ZDHHC24: variants seen among roughly 807,000 people sequenced by gnomAD.
The protein encoded by ZDHHC24 is probable palmitoyltransferase ZDHHC24.
A neutral mutation model predicts 23.2 loss-of-function variants in ZDHHC24; 17 were observed. That is an observed-to-expected ratio of 0.73 (90% CI 0.50 to 1.10). ZDHHC24 has a LOEUF of 1.10. Among genes scored for constraint, ZDHHC24 ranks in the 50% least tolerant of loss-of-function variants. The pLI is 0.00. For synonymous variants in ZDHHC24, 186 were observed against 194.5 expected (o/e 0.96, Z 0.36); for missense variants, 366 against 393.0 (o/e 0.93, Z 0.58).
At chr11:66,540,587 G>C (rs1426924608) in intron 2 of ZDHHC24, among the ~76,000 whole-genome samples, 1 of 151,572 alleles carries the variant, frequency 6.6e-6, no homozygotes, top group Non-Finnish European at 1.5e-5. Context: ...AATTAACCGG[G>C]TGTGGTTGCG....
Position 66,537,114 on chromosome 11 carries a change from G to A in ZDHHC24, c.*2415C>T, listed in dbSNP as rs1291605453. Reference sequence around the variant, plus strand: ...GGTGGGTTTCTCTGAAGGTTCTTGGGGGTCAAGCATGTTCTTTCATGGGAG... The same window carrying A: ...GGTGGGTTTCTCTGAAGGTTCTTGGAGGTCAAGCATGTTCTTTCATGGGAG... On this transcript the variant is annotated 3_prime_UTR_variant, in exon 3 of 3. Transcript: ENST00000310442. 6.6e-6 allele frequency: 1 copy of A among 151,898 alleles called. No homozygotes were observed. Among genetic ancestry groups the A allele is most frequent in the African/African-American group, 2.4e-5 (1 of 41,398 alleles). The allele number at this position is 151,898 out of a possible 1,614,324, so 9.4% of individuals were successfully genotyped here. A position where few individuals can be genotyped will look rare whatever the true frequency, so the allele number is the denominator to read the frequency against.
intron 4 of ZDHHC24, chr11:66,526,206 G>T: frequency 6.2e-7 from 1 of 1,613,568 alleles, no homozygotes; most frequent in Non-Finnish European, 8.5e-7. Context: ...AGTGGAGTCA[G>T]ACCTGGCAAG....
At chr11:66,539,896 AC>A in intron 2 of ZDHHC24, 72 bp from the exon 3 acceptor site, 1 of 1,393,650 alleles carries the variant, frequency 7.2e-7, no homozygotes, top group Non-Finnish European at 9.5e-7. Flanking sequence ...GCTCCCCTCC[AC>A]CACAAAGCAG....
rs561893744 is a variant in ZDHHC24, at chr11:66,522,466, G to A, written c.*22-1000C>T. On this transcript the variant is annotated intron_variant, in intron 4 of 4. Coordinates refer to the ZDHHC24 transcript ENST00000526986. ...GGGTTCAAGCGATTCTCCTGCCTCAGCCTCCCAAGTAGCTGGGACTACAGG... is the reference window on the plus strand; with the variant it reads ...GGGTTCAAGCGATTCTCCTGCCTCAACCTCCCAAGTAGCTGGGACTACAGG... Among the ~76,000 whole-genome samples, 4 of 151,386 alleles carry A rather than the reference G, an allele frequency of 2.6e-5. No homozygotes were observed. The East Asian group carries it at 8.0e-4, about 30-fold the overall frequency.
intron 2 of ZDHHC24, chr11:66,529,891 TCGA>T (rs773714461): frequency 6.2e-7 from 1 of 1,609,054 alleles, no homozygotes; most frequent in Non-Finnish European, 8.5e-7. Flanking sequence ...CTGCAGGCCC[TCGA>T]GTCCAGCCTG....
At chr11:66,523,757 G>T in intron 4 of ZDHHC24, 1 of 1,612,664 alleles carries the variant, frequency 6.2e-7, no homozygotes. Context: ...GATGCCCGCA[G>T]CCATCCTGAC....
rs1011759866 is a variant in ZDHHC24 at position 66,527,153 on chromosome 11, G to C, written c.737-147C>G. Reference sequence around the variant, plus strand: ...ACACTTTGGCAGAGGTGGGAGGACAGCATGAGCCCAGGAGTTCAAGACCTA... The same window carrying C: ...ACACTTTGGCAGAGGTGGGAGGACACCATGAGCCCAGGAGTTCAAGACCTA... On this transcript the variant is annotated intron_variant, in intron 3 of 4. Transcript: ENST00000526986. The C allele has an allele frequency of 5.4e-6, 4 of 745,158 alleles. No individual in the cohort carries two copies. The East Asian group carries it at 1.1e-4, about 20-fold the overall frequency. The allele number at this position is 745,158 out of a possible 1,614,324, so 46.2% of individuals were successfully genotyped here. A position where few individuals can be genotyped will look rare whatever the true frequency, so the allele number is the denominator to read the frequency against.
chr11:66,521,344 C>G lies in ZDHHC24; in HGVS notation c.*144G>C, dbSNP rs1408073931. On this transcript the variant is annotated 3_prime_UTR_variant, in exon 5 of 5. Transcript: ENST00000526986. Reference sequence around the variant, plus strand: ...ATGTTGAGTTCCGGCTTGCCGCGGCCTGCCGCAATGGAAACATCTATATTC... The same window carrying G: ...ATGTTGAGTTCCGGCTTGCCGCGGCGTGCCGCAATGGAAACATCTATATTC... The G allele has an allele frequency of 1.3e-5, 21 of 1,614,090 alleles. No individual in the cohort carries two copies. In the Middle Eastern group the frequency reaches 4.9e-4, roughly 38 times the overall value.
rs774638549 is a variant in ZDHHC24, at chr11:66,526,111, G to A, written c.*21+825C>T. ...GATATTTCCCCAACTAAACTCTGAC[G>A]TCTCCACATAGGATGCAGTGACCAG... On this transcript the variant is annotated intron_variant, in intron 4 of 4. Coordinates refer to the ZDHHC24 transcript ENST00000526986. 36 of 1,613,900 alleles carry A rather than the reference G, an allele frequency of 2.2e-5. No homozygotes were observed. The highest frequency in any genetic ancestry group is 1.6e-4 in the Middle Eastern group (1 of 6,084).
intron 4 of ZDHHC24, chr11:66,526,031 A>T (rs893059030): frequency 1.7e-5 from 19 of 1,100,774 alleles, no homozygotes; most frequent in Admixed American, 7.0e-5. Flanking sequence ...ATCACTTCTC[A>T]CCTATTATAT....
chr11:66,529,402 G>A, exon 3 of ZDHHC24: 4 of 1,192,438 alleles, frequency 3.4e-6, no homozygotes, highest in South Asian at 1.3e-5. Flanking sequence ...TGCTCACTAA[G>A]CTGCTGGAGA....
chr11:66,530,752 C>G, downstream of ZDHHC24: 1 of 1,245,546 alleles, frequency 8.0e-7, no homozygotes, highest in Non-Finnish European at 1.2e-6. Flanking sequence ...TCTGCCCCTT[C>G]TGGTCTTCTG....
At position 66,538,051 on chromosome 11, in the gene ZDHHC24, G is replaced by C. The variant is rs1392937887; in HGVS notation, c.*1478C>G. On this transcript the variant is annotated 3_prime_UTR_variant, in exon 3 of 3. Transcript: ENST00000310442. ...GTGGAGGCAGGTGCCAGGAATTCAA[G>C]TTCAGCCTGGCCAACATGGTGAAAC... 1 of 152,148 alleles carries C rather than the reference G, an allele frequency of 6.6e-6. No individual in the cohort carries two copies. The highest frequency in any genetic ancestry group is 1.5e-5 in the Non-Finnish European group (1 of 68,042). 9.4% of individuals were successfully genotyped at this position (152,148 alleles called of 1,614,324 possible).
At chr11:66,544,193 C>T (rs1167599884) in intron 1 of ZDHHC24, among the ~76,000 whole-genome samples, 3 of 152,198 alleles carry the variant, frequency 2.0e-5, no homozygotes, top group African/African-American at 7.2e-5. Context: ...CCAGCCCTAA[C>T]ATCCCCAGTC....
downstream of ZDHHC24, chr11:66,531,618 G>A (rs368368409): frequency 5.1e-5 from 82 of 1,613,720 alleles, no homozygotes; most frequent in Non-Finnish European, 6.4e-5. Flanking sequence ...ACACTGGCAC[G>A]AGGGCTGGTT....
At position 66,539,499 on chromosome 11, in the gene ZDHHC24, C is replaced by T. The variant is rs199873169; in HGVS notation, c.*30G>A. ...GTGGGGGCCCCCCTCTCACCCCTTC[C>T]TCCCTGCACAGCTCTGGCTCTTCCT... On this transcript the variant is annotated 3_prime_UTR_variant, in exon 3 of 3. Transcript: ENST00000310442. 8.7e-4 allele frequency: 1,307 copies of T among 1,502,414 alleles called. 1 individual carries two copies. Among genetic ancestry groups the T allele is most frequent in the Admixed American group, 1.1e-3 (46 of 42,696 alleles). 93.1% of individuals were successfully genotyped at this position (1,502,414 alleles called of 1,614,324 possible). A position where few individuals can be genotyped will look rare whatever the true frequency, so the allele number is the denominator to read the frequency against.
chr11:66,527,014 T>C, intron 3 of ZDHHC24: 1 of 1,536,696 alleles, frequency 6.5e-7, no homozygotes, highest in Non-Finnish European at 8.7e-7. Context: ...GTGCTGTGGG[T>C]GACAGCAAGA....
In ZDHHC24 at chr11:66,537,415, T is replaced by G. The variant is rs1311967154; in HGVS notation, c.*2114A>C. The G allele has an allele frequency of 2.0e-5, 3 of 152,196 alleles. No homozygotes were observed. The East Asian group carries it at 5.8e-4, about 29-fold the overall frequency. 9.4% of individuals were successfully genotyped at this position (152,196 alleles called of 1,614,324 possible). On this transcript the variant is annotated 3_prime_UTR_variant, in exon 3 of 3. Transcript: ENST00000310442. ...GGCCGAAGCCTCACCTCACCCTCCA[T>G]GGTCCTGGTGGAGTTCCTGAGCCCC...
At chr11:66,530,798 A>G, downstream of ZDHHC24, 1 of 1,527,248 alleles carries the variant, frequency 6.5e-7, no homozygotes, top group South Asian at 1.1e-5. Flanking sequence ...GGAGGAGGGG[A>G]CATGAGGGCA....
Sources: allele counts gnomAD v4.1 joint callset (sites outside exome capture counted in the v4.1 genomes callset), GRCh38; gene constraint gnomAD v4.1.1; transcripts MANE v1.5; gene names NCBI Gene and HGNC (gene_info 2026-07-23, HGNC 2026-07-21).